Variants in RAPGEF5 observed in about 807,000 individuals in gnomAD.
RAPGEF5 encodes M-Ras-regulated GEF.
A neutral mutation model predicts 125.2 loss-of-function variants in RAPGEF5; 65 were observed. That is an observed-to-expected ratio of 0.52 (90% CI 0.43 to 0.64). The LOEUF is 0.64. Ranked by LOEUF, RAPGEF5 falls within the 30% of genes least tolerant of loss-of-function variation. The pLI, the probability that RAPGEF5 is intolerant of heterozygous loss-of-function variation, is 0.00. For missense variants in RAPGEF5, 958 were observed against 1,048.1 expected (o/e 0.91, Z 1.19); for synonymous variants, 391 against 385.9 (o/e 1.01, Z -0.16).
intron 6 of RAPGEF5, among the ~76,000 whole-genome samples, chr7:22,275,681 C>T (rs1343580825): frequency 3.3e-5 from 5 of 151,358 alleles, no homozygotes; most frequent in Non-Finnish European, 5.9e-5. Context: ...GACCCCACTA[C>T]CAAAAGAGAA....
chr7:22,193,000 T>A, intron 11 of RAPGEF5: 1 of 290,570 alleles, frequency 3.4e-6, no homozygotes, highest in Non-Finnish European at 6.4e-6. Flanking sequence ...ACTGCCTACA[T>A]GCCAGGTGAA....
chr7:22,190,564 G>A (rs929806222), intron 11 of RAPGEF5, among the ~76,000 whole-genome samples: 1 of 152,092 alleles, frequency 6.6e-6, no homozygotes, highest in African/African-American at 2.4e-5. Flanking sequence ...CAACAGAAAT[G>A]CCTTATCTTA....
rs144138020 is a variant in RAPGEF5, at chr7:22,227,098, C to T, written c.870+3748G>A. ...GTTCATTCACTTCACATGCTTGATT[C>T]CTTTAACGTTCAGACTAAAGTAGGG... is the stretch of plus-strand genomic sequence containing the variant. On this transcript the variant is annotated intron_variant, in intron 8 of 25. Coordinates refer to ENST00000665637, the MANE Select transcript of RAPGEF5 (RefSeq NM_012294.5). 2.3e-3 allele frequency among the ~76,000 whole-genome samples: 346 copies of T among 151,626 alleles called. 8 individuals are homozygous for T. The highest frequency in any genetic ancestry group is 0.022 in the Admixed American group (331 of 15,220).
At chr7:22,257,543 C>G (rs184981608) in intron 7 of RAPGEF5, among the ~76,000 whole-genome samples, 1 of 152,242 alleles carries the variant, frequency 6.6e-6, no homozygotes, top group East Asian at 1.9e-4. Flanking sequence ...ATAGTTTGTG[C>G]CCAGCTAGGG....
intron 7 of RAPGEF5, among the ~76,000 whole-genome samples, chr7:22,240,564 G>A (rs1453914550): frequency 6.6e-6 from 1 of 151,914 alleles, no homozygotes; most frequent in South Asian, 2.1e-4. Context: ...GTAGAGACAG[G>A]GTTTCACCAT....
chr7:22,128,848 T>C (rs572310138), intron 24 of RAPGEF5, among the ~76,000 whole-genome samples: 2 of 152,348 alleles, frequency 1.3e-5, no homozygotes, highest in African/African-American at 2.4e-5. Flanking sequence ...ACCCATTTCT[T>C]CATTCTTTTA....
chr7:22,215,679 AC>A (rs1785620465), intron 9 of RAPGEF5, among the ~76,000 whole-genome samples: 1 of 152,236 alleles, frequency 6.6e-6, no homozygotes, highest in Non-Finnish European at 1.5e-5. Context: ...CAGGAGAGCC[AC>A]CCTAAAATCC....
At chr7:22,167,002 T>A in intron 12 of RAPGEF5, 68 bp downstream of exon 12, 2 of 1,312,122 alleles carry the variant, frequency 1.5e-6, no homozygotes, top group Non-Finnish European at 2.2e-6. Context: ...GGAAGGCAGT[T>A]AATTCCTAAC....
rs1782541813 is a variant in RAPGEF5 at position 22,120,141 on chromosome 7, C to T, written c.*2265G>A. ...AAGCAAATCTTGACTGCACAAAATC[C>T]TCCCTTCCCTCTGCTACCCCTAGGA... On this transcript the variant is annotated 3_prime_UTR_variant, in exon 26 of 26. Transcript: ENST00000665637. The surrounding 1 kb of genome is among the most constrained non-coding windows in gnomAD (Gnocchi z 4.0). The T allele has an allele frequency of 6.6e-6, 1 of 152,186 alleles. No individual in the cohort carries two copies. Among genetic ancestry groups the T allele is most frequent in the Non-Finnish European group, 1.5e-5 (1 of 68,044 alleles). The allele number at this position is 152,186 out of a possible 1,614,324, so 9.4% of individuals were successfully genotyped here.
chr7:22,283,853 T>G (rs1159325584), intron 6 of RAPGEF5, among the ~76,000 whole-genome samples: 2 of 152,148 alleles, frequency 1.3e-5, no homozygotes, highest in Admixed American at 6.5e-5. Context: ...CTTAAATGAG[T>G]TCTGCACATT....
intron 6 of RAPGEF5, among the ~76,000 whole-genome samples, chr7:22,272,572 CA>C (rs1329417099): frequency 6.6e-6 from 1 of 151,974 alleles, no homozygotes; most frequent in Non-Finnish European, 1.5e-5. Flanking sequence ...TTTTAAAATA[CA>C]GAGCCCATTT....
intron 17 of RAPGEF5, among the ~76,000 whole-genome samples, chr7:22,152,579 C>G (rs565685257): frequency 6.6e-6 from 1 of 152,152 alleles, no homozygotes; most frequent in Non-Finnish European, 1.5e-5. Context: ...GGGTAAAAAA[C>G]AGCTAAAGAC....
rs563439528 is a variant in RAPGEF5 at position 22,234,402 on chromosome 7, C to T, written c.797-3483G>A. ...TTGATTCTGGGACAGTTCCCTCCAG[C>T]GAAACACGTACACAGGAATGACAGC... On this transcript the variant is annotated intron_variant, in intron 7 of 25. Transcript: ENST00000665637. Among the ~76,000 whole-genome samples, 9 of 152,204 alleles carry T rather than the reference C, an allele frequency of 5.9e-5. 1 individual carries two copies. The South Asian group carries it at 1.7e-3, about 28-fold the overall frequency.
chr7:22,255,757 C>T (rs1422610397), intron 7 of RAPGEF5, among the ~76,000 whole-genome samples: 2 of 152,150 alleles, frequency 1.3e-5, no homozygotes, highest in Admixed American at 6.5e-5. Context: ...AATGTTATTA[C>T]CCACAACTTG....
chr7:22,247,723 T>C (rs1786514236), intron 7 of RAPGEF5, among the ~76,000 whole-genome samples: 1 of 150,274 alleles, frequency 6.7e-6, no homozygotes, highest in Non-Finnish European at 1.5e-5. Flanking sequence ...AAAACCAACC[T>C]AGAGACCCAT....
intron 5 of RAPGEF5, among the ~76,000 whole-genome samples, chr7:22,306,730 A>G (rs1236799942): frequency 1.3e-5 from 2 of 152,150 alleles, no homozygotes; most frequent in African/African-American, 2.4e-5. Context: ...TAGATTTTTT[A>G]TATGGTGAGA....
chr7:22,218,113 C>A (rs748898563), intron 9 of RAPGEF5, among the ~76,000 whole-genome samples: 33 of 152,064 alleles, frequency 2.2e-4, no homozygotes, highest in Non-Finnish European at 4.9e-4. Flanking sequence ...CTATCCCTAC[C>A]CCCTCCTCTC....
intron 9 of RAPGEF5, among the ~76,000 whole-genome samples, chr7:22,209,218 T>C (rs1408901560): frequency 2.0e-5 from 3 of 152,238 alleles, no homozygotes; most frequent in Non-Finnish European, 4.4e-5. Flanking sequence ...TTCAAGTATA[T>C]TCCTGAAAGA....
intron 1 of RAPGEF5, among the ~76,000 whole-genome samples, chr7:22,342,020 T>C (rs1784138966): frequency 6.6e-6 from 1 of 152,168 alleles, no homozygotes; most frequent in Admixed American, 6.5e-5. Flanking sequence ...CACATTCCCC[T>C]TCCACAATGC....
Sources: gnomAD v4.1 joint callset for allele counts (sites outside exome capture counted in the v4.1 genomes callset) on GRCh38, gnomAD v4.1.1 for gene constraint, Gnocchi (gnomAD v3.1) non-coding constraint, MANE v1.5 for transcripts, NCBI Gene and HGNC (gene_info 2026-07-23, HGNC 2026-07-21) for gene names.